MFN2: variants seen among roughly 807,000 people sequenced by gnomAD.
The protein encoded by MFN2 is mitofusin-2.
Under a neutral mutation model 87.5 loss-of-function variants are expected in MFN2, and 43 were observed. The ratio of observed to expected loss-of-function variants is 0.49; its 90% CI spans 0.38 to 0.63. The LOEUF is 0.63. Ranked by LOEUF, MFN2 falls within the 30% of genes least tolerant of loss-of-function variation. The probability of loss-of-function intolerance (pLI) is 0.00; values close to 1 mark genes in which losing one functional copy is unlikely to be tolerated. For missense variants in MFN2, 743 were observed against 972.8 expected (o/e 0.76, Z 3.14); for synonymous variants, 337 against 359.9 (o/e 0.94, Z 0.72).
chr1:11,992,888 G>A (rs987627841), intron 4 of MFN2, among the ~76,000 whole-genome samples, 198 bp downstream of exon 4: 2 of 150,762 alleles, frequency 1.3e-5, no homozygotes, highest in African/African-American at 4.9e-5. Flanking sequence ...TTACAGCCTC[G>A]ACCTCCCTGG....
Position 12,002,058 on chromosome 1 carries a change from T to TTCGAC in MFN2, c.1118_1122dup (p.Ile375AspfsTer29). 2 of 1,614,198 alleles carry TTCGAC rather than the reference T, an allele frequency of 1.2e-6. No homozygotes were observed. The highest frequency in any genetic ancestry group is 1.7e-6 in the Non-Finnish European group (2 of 1,180,032). ...CGGGCCAAGCAGATTGCAGAGGCGG[T>TTCGAC]TCGACTCATCATGGACTCCCTGCAC... On this transcript the variant is annotated frameshift_variant, in exon 11 of 19. Coordinates refer to ENST00000235329, the MANE Select transcript of MFN2 (RefSeq NM_014874.4). LOFTEE classifies it high-confidence loss of function.
Position 12,013,401 on chromosome 1 carries a change from G to A in MFN2, c.*1836G>A. On this transcript the variant is annotated 3_prime_UTR_variant, in exon 19 of 19. Transcript: ENST00000235329. ...CATTTGCTGGAGCGCAAGACGTGCT[G>A]ACACAGTGAGTTTTCTCTGATGTAT... 1 of 470,996 alleles carries A rather than the reference G, an allele frequency of 2.1e-6. No homozygotes were observed. Among genetic ancestry groups the A allele is most frequent in the Non-Finnish European group, 4.4e-6 (1 of 226,966 alleles). 29.2% of individuals were successfully genotyped at this position (470,996 alleles called of 1,614,324 possible).
Position 12,005,806 on chromosome 1 carries a change from G to C in MFN2, c.1591G>C (p.Asp531His). Residue 531 changes from aspartate (D) to histidine (H), a missense_variant, in exon 15 of 19, where the codon GAC becomes CAC. Transcript: ENST00000235329. ...CTCCCTCAACTATGACCTAAACTGT[G>C]ACAAGCTGTGTGCTGACTTCCAGGA... Reference protein sequence around the residue: ...CFSLNYDLNCDKLCADFQEDI... With the variant: ...CFSLNYDLNCHKLCADFQEDI... 6.2e-7 allele frequency: 1 copy of C among 1,614,192 alleles called. No individual in the cohort carries two copies. Among genetic ancestry groups the C allele is most frequent in the Non-Finnish European group, 8.5e-7 (1 of 1,180,026 alleles).
In MFN2 at chr1:12,003,642, C is replaced by T. The variant is rs1194855262; in HGVS notation, c.1161-350C>T. 3.5e-5 allele frequency among the ~76,000 whole-genome samples: 5 copies of T among 144,666 alleles called. No homozygotes were observed. In the South Asian group the frequency reaches 8.7e-4, roughly 25 times the overall value. The allele number at this position is 144,666 out of a possible 152,430, so 94.9% of individuals were successfully genotyped here. ...TCGTGCCATTGCACTCCAGCCTGGG[C>T]AACAAGAGTGAAACTCCATCTCAAA... On this transcript the variant is annotated intron_variant, in intron 11 of 18. Coordinates refer to ENST00000235329, the MANE Select transcript of MFN2 (RefSeq NM_014874.4). This position sits in a 1 kb window ranked among gnomAD's most constrained non-coding sequence, Gnocchi z 4.1.
chr1:12,006,423 GGAA>G, intron 15 of MFN2, 112 bp from the exon 16 acceptor site: 1 of 1,392,554 alleles, frequency 7.2e-7, no homozygotes, highest in Non-Finnish European at 9.9e-7. Flanking sequence ...TTTGCCTTTT[GGAA>G]ATTGAAGAGC....
chr1:11,992,988 AT>A (rs1638759396), intron 4 of MFN2, among the ~76,000 whole-genome samples: 1 of 124,372 alleles, frequency 8.0e-6, no homozygotes, highest in South Asian at 2.6e-4. Flanking sequence ...TTATTTTCTA[AT>A]TAAGGTTAAA....
intron 2 of MFN2, among the ~76,000 whole-genome samples, chr1:11,983,829 A>G (rs928118642): frequency 6.6e-6 from 1 of 152,234 alleles, no homozygotes; most frequent in African/African-American, 2.4e-5. Flanking sequence ...AGTTGGGTCT[A>G]GAAGGACAGT....
At chr1:12,008,459 CG>C (rs1639530360) in intron 17 of MFN2, among the ~76,000 whole-genome samples, 1 of 142,006 alleles carries the variant, frequency 7.0e-6, no homozygotes, top group Admixed American at 6.8e-5. Context: ...GGCGGCTGGC[CG>C]GGCGGGGACT....
intron 4 of MFN2, among the ~76,000 whole-genome samples, chr1:11,993,310 G>T (rs1180814817): frequency 6.6e-6 from 1 of 151,022 alleles, no homozygotes; most frequent in Admixed American, 6.6e-5. Flanking sequence ...TAACAATTGT[G>T]CTTGTATTGT....
In MFN2 at chr1:12,003,839, C is replaced by T. The variant is rs924535100; in HGVS notation, c.1161-153C>T. Among the ~76,000 whole-genome samples, 1 of 152,172 alleles carries T rather than the reference C, an allele frequency of 6.6e-6. No individual in the cohort carries two copies. Among genetic ancestry groups the T allele is most frequent in the African/African-American group, 2.4e-5 (1 of 41,436 alleles). ...GGTTGGCTGCAGGGTCCTCTTCTTA[C>T]CTGGGAAGGGGAAGGCCATGCCCCT... On this transcript the variant is annotated intron_variant, in intron 11 of 18. Transcript: ENST00000235329. This position sits in a 1 kb window ranked among gnomAD's most constrained non-coding sequence, Gnocchi z 4.1.
At chr1:11,996,091 T>C in intron 4 of MFN2, 65 bp from the exon 5 acceptor site, 1 of 1,608,488 alleles carries the variant, frequency 6.2e-7, no homozygotes, top group Admixed American at 1.7e-5. Context: ...GGCTGGTATC[T>C]GCGTTGTGAA....
chr1:11,991,923 C>CAAAAAAAAAAAAAAA (rs35314016), intron 3 of MFN2, among the ~76,000 whole-genome samples: 1 of 16,730 alleles, frequency 6.0e-5, no homozygotes, highest in Non-Finnish European at 1.2e-4. Context: ...GACTCCGTCT[C>CAAAAAAAAAAAAAAA]AAAAAAAAAA....
intron 5 of MFN2, among the ~76,000 whole-genome samples, chr1:11,996,768 T>G (rs945238030): frequency 1.1e-4 from 17 of 152,298 alleles, no homozygotes; most frequent in Middle Eastern, 6.8e-3. Context: ...TCGGGCACGG[T>G]GGCTCACGCC....
intron 2 of MFN2, among the ~76,000 whole-genome samples, chr1:11,985,146 G>A (rs1056927057): frequency 6.6e-6 from 1 of 152,148 alleles, no homozygotes; most frequent in African/African-American, 2.4e-5. Context: ...CATGGGAACT[G>A]AATGAGAGGA....
In MFN2 at chr1:11,981,850, A is replaced by G. The variant is rs533778453; in HGVS notation, c.-149-120A>G. Reference sequence around the variant, plus strand: ...GCCAGCGCAACTCCCCAATACCTCAATGAGTAAGCTTCCCTCAGGGATGAG... The same window carrying G: ...GCCAGCGCAACTCCCCAATACCTCAGTGAGTAAGCTTCCCTCAGGGATGAG... On this transcript the variant is annotated intron_variant, in intron 1 of 18. Coordinates refer to ENST00000235329, the MANE Select transcript of MFN2 (RefSeq NM_014874.4). 16 of 151,560 alleles carry G rather than the reference A, an allele frequency of 1.1e-4. 1 individual carries two copies. Among genetic ancestry groups the G allele is most frequent in the Admixed American group, 7.9e-4 (12 of 15,244 alleles). 9.4% of individuals were successfully genotyped at this position (151,560 alleles called of 1,614,324 possible).
intron 2 of MFN2, 45 bp from the exon 3 acceptor site, chr1:11,989,120 C>T (rs199876739): frequency 7.3e-5 from 118 of 1,605,568 alleles, no homozygotes; most frequent in African/African-American, 6.4e-4. Context: ...CAGGATGTCC[C>T]GAGGTAGGTG....
intron 14 of MFN2, among the ~76,000 whole-genome samples, chr1:12,005,197 C>T (rs561674349): frequency 3.3e-5 from 5 of 152,308 alleles, no homozygotes; most frequent in African/African-American, 1.2e-4. Context: ...TTCTTCTGCT[C>T]CAGCGTCCCG....
chr1:11,991,954 A>T (rs1241204412), intron 3 of MFN2, among the ~76,000 whole-genome samples: 1 of 145,026 alleles, frequency 6.9e-6, no homozygotes, highest in African/African-American at 2.6e-5. Context: ...AAAAAAAAAG[A>T]AGTGACATAG....
At chr1:12,007,421 G>A (rs1197148270) in intron 17 of MFN2, among the ~76,000 whole-genome samples, 172 bp downstream of exon 17, 1 of 152,254 alleles carries the variant, frequency 6.6e-6, no homozygotes, top group Non-Finnish European at 1.5e-5. Context: ...TGGGGAGAGG[G>A]GTCTCCCAGG....
Sources: gnomAD v4.1 joint callset for allele counts (sites outside exome capture counted in the v4.1 genomes callset) on GRCh38, gnomAD v4.1.1 for gene constraint, Gnocchi (gnomAD v3.1) non-coding constraint, MANE v1.5 for transcripts, NCBI Gene and HGNC (gene_info 2026-07-23, HGNC 2026-07-21) for gene names.